SGK1: variants seen among roughly 807,000 people sequenced by gnomAD.
SGK1 encodes the protein serine/threonine-protein kinase Sgk1.
Under a neutral mutation model 64.2 loss-of-function variants are expected in SGK1, and 26 were observed. The observed-to-expected ratio is 0.40, with a 90% CI of 0.30 to 0.56. The LOEUF is 0.56. Ranked by LOEUF, SGK1 falls within the 20% of genes least tolerant of loss-of-function variation. SGK1 has a pLI of 0.38. For synonymous variants in SGK1, 265 were observed against 239.7 expected (o/e 1.11, Z -0.98); for missense variants, 519 against 645.6 (o/e 0.80, Z 2.12).
intron 1 of SGK1, among the ~76,000 whole-genome samples, chr6:134,276,629 G>A (rs1258773436): frequency 9.2e-5 from 14 of 152,102 alleles, no homozygotes; most frequent in Non-Finnish European, 1.6e-4. Context: ...GGGCCCAGGG[G>A]AAAAGCATCC....
chr6:134,246,323 AT>A (rs112628120), intron 2 of SGK1, among the ~76,000 whole-genome samples: 30,178 of 141,482 alleles, frequency 0.21, 3,445 homozygotes, highest in Admixed American at 0.33. Context: ...TAATTTTTGT[AT>A]TTTTTTTTTT....
At chr6:134,254,026 G>T (rs1002524038) in intron 2 of SGK1, among the ~76,000 whole-genome samples, 3 of 151,590 alleles carry the variant, frequency 2.0e-5, no homozygotes, top group South Asian at 2.1e-4. Context: ...TCCCTGGCAT[G>T]CAGCGCCTCT....
At chr6:134,244,394 A>G (rs573524341) in intron 2 of SGK1, among the ~76,000 whole-genome samples, 1 of 152,270 alleles carries the variant, frequency 6.6e-6, no homozygotes, top group African/African-American at 2.4e-5. Flanking sequence ...GGTTGGTTCC[A>G]AGTCTTTGCT....
At chr6:134,267,754 A>G (rs1279144928) in intron 1 of SGK1, among the ~76,000 whole-genome samples, 3 of 152,206 alleles carry the variant, frequency 2.0e-5, no homozygotes, top group Admixed American at 6.5e-5. Flanking sequence ...CTCTCTGTCC[A>G]CACAGAATGT....
chr6:134,188,658 A>T (rs1775459386), intron 3 of SGK1, among the ~76,000 whole-genome samples: 1 of 152,058 alleles, frequency 6.6e-6, no homozygotes, highest in Non-Finnish European at 1.5e-5. Flanking sequence ...AGCAATAAAC[A>T]CTAAGATTTT....
chr6:134,207,010 G>A (rs1039065125), intron 3 of SGK1, among the ~76,000 whole-genome samples: 5 of 152,136 alleles, frequency 3.3e-5, no homozygotes, highest in Non-Finnish European at 7.3e-5. Context: ...CGAATCACAA[G>A]GTCAGGAGAT....
At chr6:134,170,744 T>C in intron 13 of SGK1, 82 bp downstream of exon 13, 1 of 960,058 alleles carries the variant, frequency 1.0e-6, no homozygotes, top group Non-Finnish European at 1.6e-6. Flanking sequence ...ATGTATTCCT[T>C]CCAACCCTCC....
At chr6:134,204,250 AAATAAAT>A (rs1474482824) in intron 3 of SGK1, among the ~76,000 whole-genome samples, 1 of 150,874 alleles carries the variant, frequency 6.6e-6, no homozygotes, top group Non-Finnish European at 1.5e-5. Context: ...ATAAATAAAT[AAATAAAT>A]AAATAAATAA....
chr6:134,290,844 A>C (rs990116352), intron 1 of SGK1, among the ~76,000 whole-genome samples: 2 of 152,290 alleles, frequency 1.3e-5, no homozygotes, highest in East Asian at 3.9e-4. Context: ...AGGGCTTTAC[A>C]TGTGCAGGGC....
intron 2 of SGK1, among the ~76,000 whole-genome samples, chr6:134,216,593 C>G (rs1775989801): frequency 6.6e-6 from 1 of 152,196 alleles, no homozygotes; most frequent in African/African-American, 2.4e-5. Flanking sequence ...AACTACTACC[C>G]TAGTTGCTAA....
intron 2 of SGK1, among the ~76,000 whole-genome samples, chr6:134,253,193 C>G (rs1345310692): frequency 6.6e-6 from 1 of 152,120 alleles, no homozygotes; most frequent in Non-Finnish European, 1.5e-5. Flanking sequence ...AGACATGGGT[C>G]AGAATCCATC....
chr6:134,225,076 C>T (rs113395165), intron 2 of SGK1, among the ~76,000 whole-genome samples: 158 of 146,192 alleles, frequency 1.1e-3, no homozygotes, highest in African/African-American at 3.8e-3. Context: ...TAGGCCGATG[C>T]GGTGGCTCAT....
chr6:134,280,606 C>T (rs1777079096), intron 1 of SGK1, among the ~76,000 whole-genome samples: 1 of 152,122 alleles, frequency 6.6e-6, no homozygotes, highest in Admixed American at 6.5e-5. Flanking sequence ...GTGTTCCTCC[C>T]TAGATTGTAA....
At chr6:134,244,132 CCCCTGACAGG>C (rs983418914) in intron 2 of SGK1, among the ~76,000 whole-genome samples, 1 of 152,050 alleles carries the variant, frequency 6.6e-6, no homozygotes, top group Non-Finnish European at 1.5e-5. Flanking sequence ...CCCACCCCAC[CCCCTGACAGG>C]CCCTGGTGTG....
chr6:134,194,589 G>A (rs1200551512), intron 3 of SGK1, among the ~76,000 whole-genome samples: 1 of 151,304 alleles, frequency 6.6e-6, no homozygotes, highest in Non-Finnish European at 1.5e-5. Flanking sequence ...CACGATCTCG[G>A]CTCGCTGCAA....
intron 2 of SGK1, among the ~76,000 whole-genome samples, chr6:134,215,949 G>C (rs1417649918): frequency 6.6e-6 from 1 of 152,212 alleles, no homozygotes; most frequent in Non-Finnish European, 1.5e-5. Flanking sequence ...CCAGGAGGCG[G>C]AGGTTGCAGT....
chr6:134,303,175 C>T (rs1232689127), intron 1 of SGK1, among the ~76,000 whole-genome samples: 1 of 151,958 alleles, frequency 6.6e-6, no homozygotes, highest in Admixed American at 6.6e-5. Flanking sequence ...GGGCGGATCA[C>T]GAGGTCAGGA....
intron 1 of SGK1, among the ~76,000 whole-genome samples, chr6:134,280,723 G>A (rs1254847344): frequency 1.3e-5 from 2 of 152,132 alleles, no homozygotes; most frequent in South Asian, 2.1e-4. Flanking sequence ...ACACATATTT[G>A]TTGTATTAAT....
chr6:134,246,411 C>T (rs1776525995), intron 2 of SGK1, among the ~76,000 whole-genome samples: 1 of 151,544 alleles, frequency 6.6e-6, no homozygotes, highest in Non-Finnish European at 1.5e-5. Context: ...CCCACCTCAA[C>T]CTCCCAAAGT....
Sources: allele counts gnomAD v4.1 joint callset (sites outside exome capture counted in the v4.1 genomes callset), GRCh38; gene constraint gnomAD v4.1.1; transcripts MANE v1.5; gene names NCBI Gene and HGNC (gene_info 2026-07-23, HGNC 2026-07-21).